Variants in ANKRD44 observed in about 807,000 individuals in gnomAD.
ANKRD44 encodes the protein ankyrin repeat domain 44.
In ANKRD44, 35 loss-of-function variants were observed where a neutral mutation model predicts 116.0. That is an observed-to-expected ratio of 0.30 (90% CI 0.23 to 0.40). ANKRD44 has a LOEUF of 0.40. Ranked by LOEUF, ANKRD44 falls within the 10% of genes least tolerant of loss-of-function variation. ANKRD44 has a pLI of 1.00. For synonymous variants in ANKRD44, 435 were observed against 461.8 expected (o/e 0.94, Z 0.74); for missense variants, 1,014 against 1,242.6 (o/e 0.82, Z 2.77).
chr2:197,051,055 T>G (rs1453994227), intron 16 of ANKRD44, among the ~76,000 whole-genome samples: 1 of 150,760 alleles, frequency 6.6e-6, no homozygotes, highest in Admixed American at 6.6e-5. Flanking sequence ...CTTGACCTCC[T>G]GGGCTCAAGT....
rs1431581111 is a variant in ANKRD44, at chr2:197,184,257, C to G, written c.111+2766G>C. Reference sequence around the variant, plus strand: ...CACAGATACACTAATTCCTTACTCTCCCTCGTAGCTAGGTATGGCCATGGC... The same window carrying G: ...CACAGATACACTAATTCCTTACTCTGCCTCGTAGCTAGGTATGGCCATGGC... On this transcript the variant is annotated intron_variant, in intron 2 of 27. Transcript: ENST00000282272. Among the ~76,000 whole-genome samples, 3 of 152,186 alleles carry G rather than the reference C, an allele frequency of 2.0e-5. No individual in the cohort carries two copies. The East Asian group carries it at 5.8e-4, about 29-fold the overall frequency.
At chr2:197,041,360 G>T (rs1251457242) in intron 16 of ANKRD44, among the ~76,000 whole-genome samples, 2 of 152,132 alleles carry the variant, frequency 1.3e-5, no homozygotes, top group African/African-American at 4.8e-5. Context: ...GGTTCCCATT[G>T]GTTTGTCCCT....
At chr2:197,084,232 G>C (rs1453627010) in intron 13 of ANKRD44, among the ~76,000 whole-genome samples, 1 of 152,128 alleles carries the variant, frequency 6.6e-6, no homozygotes, top group Non-Finnish European at 1.5e-5. Context: ...CAAACTGGAT[G>C]ACTTGAGGCT....
intron 2 of ANKRD44, among the ~76,000 whole-genome samples, chr2:197,173,221 C>T (rs1048281127): frequency 3.3e-5 from 5 of 152,164 alleles, no homozygotes; most frequent in African/African-American, 1.2e-4. Flanking sequence ...AAAAGTTTCA[C>T]ACTGAGCCCT....
intron 22 of ANKRD44, 139 bp downstream of exon 22, chr2:197,001,614 C>G: frequency 5.0e-6 from 3 of 594,462 alleles, no homozygotes; most frequent in Non-Finnish European, 8.6e-6. Flanking sequence ...GCTATCAGAT[C>G]TACTTGTCTT....
rs141909053 is a variant in ANKRD44, at chr2:197,287,942, C to T, written c.27+22636G>A. ...GGCTGAGGCCAGAGAACCACTTGAA[C>T]CCGGGAGGCAGAGGTTGCAGTGGGC... On this transcript the variant is annotated intron_variant, in intron 1 of 27. Transcript: ENST00000282272. Among the ~76,000 whole-genome samples, 1,246 of 146,866 alleles carry T rather than the reference C, an allele frequency of 8.5e-3. 14 individuals are homozygous for T. Among genetic ancestry groups the T allele is most frequent in the African/African-American group, 0.029 (1,170 of 40,612 alleles).
intron 1 of ANKRD44, among the ~76,000 whole-genome samples, chr2:197,275,606 T>C (rs2083055748): frequency 6.6e-6 from 1 of 152,148 alleles, no homozygotes; most frequent in Non-Finnish European, 1.5e-5. Flanking sequence ...AAGGGCTCTG[T>C]ACTGATGATC....
chr2:197,239,862 G>A (rs1238659108), intron 1 of ANKRD44, among the ~76,000 whole-genome samples: 2 of 152,070 alleles, frequency 1.3e-5, no homozygotes, highest in Non-Finnish European at 2.9e-5. Flanking sequence ...ATGACCAGGT[G>A]AACACCTATG....
chr2:197,015,834 T>C (rs541281853), intron 17 of ANKRD44: 3 of 508,132 alleles, frequency 5.9e-6, no homozygotes, highest in African/African-American at 2.0e-5. Flanking sequence ...GAGGAAACTT[T>C]GGTGGTGGTA....
At chr2:197,158,057 G>T (rs1271066873) in intron 2 of ANKRD44, among the ~76,000 whole-genome samples, 1 of 152,136 alleles carries the variant, frequency 6.6e-6, no homozygotes, top group African/African-American at 2.4e-5. Context: ...AAGGGTTCTG[G>T]TCCTTAAGTC....
chr2:197,263,578 G>T, intron 1 of ANKRD44: 1 of 256,074 alleles, frequency 3.9e-6, no homozygotes, highest in Non-Finnish European at 7.8e-6. Flanking sequence ...CCCATGTCTT[G>T]TCAGCCCTGT....
chr2:197,009,141 G>T, intron 18 of ANKRD44, 110 bp from the exon 19 acceptor site: 1 of 806,414 alleles, frequency 1.2e-6, no homozygotes. Flanking sequence ...CGCCAGGCTG[G>T]AGTGCAGTGG....
chr2:197,178,677 C>T (rs980084618), intron 2 of ANKRD44, among the ~76,000 whole-genome samples: 3 of 152,112 alleles, frequency 2.0e-5, no homozygotes, highest in African/African-American at 7.2e-5. Flanking sequence ...AGGTAACCAC[C>T]TTTTCCATTA....
At chr2:197,018,594 A>G (rs1427078306) in intron 17 of ANKRD44, among the ~76,000 whole-genome samples, 1 of 152,186 alleles carries the variant, frequency 6.6e-6, no homozygotes, top group African/African-American at 2.4e-5. Context: ...TCTGCTTCAT[A>G]GCACAAAACT....
intron 2 of ANKRD44, among the ~76,000 whole-genome samples, chr2:197,160,307 T>C (rs760123056): frequency 3.9e-5 from 6 of 152,218 alleles, no homozygotes; most frequent in Non-Finnish European, 2.9e-5. Flanking sequence ...ATCAATGACA[T>C]CTCTGTGGCT....
intron 1 of ANKRD44, among the ~76,000 whole-genome samples, chr2:197,273,983 A>ATCTATATATC (rs2082992195): frequency 7.1e-5 from 2 of 28,248 alleles, no homozygotes; most frequent in African/African-American, 4.0e-4. Context: ...AAAAAAAAAT[A>ATCTATATATC]TATATATATA....
intron 2 of ANKRD44, among the ~76,000 whole-genome samples, chr2:197,170,347 A>G (rs1403761674): frequency 6.6e-6 from 1 of 152,228 alleles, no homozygotes; most frequent in African/African-American, 2.4e-5. Context: ...ATACAAGGAA[A>G]TTTGTGGTAG....
chr2:197,076,781 T>C (rs1338784565), intron 16 of ANKRD44, among the ~76,000 whole-genome samples: 1 of 152,170 alleles, frequency 6.6e-6, no homozygotes, highest in African/African-American at 2.4e-5. Context: ...CTGTGTTTGT[T>C]TGCTAAAGAT....
intron 21 of ANKRD44, among the ~76,000 whole-genome samples, chr2:197,003,647 G>T (rs1434215941): frequency 6.6e-6 from 1 of 152,142 alleles, no homozygotes; most frequent in Non-Finnish European, 1.5e-5. Flanking sequence ...TCCCCTGCCT[G>T]TACCTGGAGA....
Sources: allele counts gnomAD v4.1 joint callset (sites outside exome capture counted in the v4.1 genomes callset), GRCh38; gene constraint gnomAD v4.1.1; transcripts MANE v1.5; gene names NCBI Gene and HGNC (gene_info 2026-07-23, HGNC 2026-07-21).